The following AOPEP variants were observed in gnomAD, a reference collection of about 807,000 sequenced individuals.
AOPEP encodes the protein aminopeptidase O (putative).
In AOPEP, 77 loss-of-function variants were observed where a neutral mutation model predicts 98.1. The ratio of observed to expected loss-of-function variants is 0.78; its 90% CI spans 0.65 to 0.95. AOPEP has a LOEUF of 0.95. Among genes scored for constraint, AOPEP ranks in the 40% least tolerant of loss-of-function variants. The pLI is 0.00. For synonymous variants in AOPEP, 346 were observed against 365.3 expected (o/e 0.95, Z 0.60); for missense variants, 1,024 against 1,024.7 (o/e 1.00, Z 0.01).
intron 13 of AOPEP, among the ~76,000 whole-genome samples, chr9:95,055,858 C>G (rs899565404): frequency 1.3e-5 from 2 of 152,184 alleles, no homozygotes; most frequent in African/African-American, 4.8e-5. Flanking sequence ...CTCCAGCATA[C>G]AGAATTTGAG....
At chr9:95,019,093 T>TAGCAGCAAGTATAC (rs1187942447) in intron 13 of AOPEP, 23 of 152,192 alleles carry the variant, frequency 1.5e-4, no homozygotes, top group East Asian at 5.8e-4. Flanking sequence ...GCAGCAAGTA[T>TAGCAGCAAGTATAC]AGCAGCAAGT....
At chr9:95,111,666 T>C in the AOPEP span, 11 of 1,613,772 alleles carry the variant, frequency 6.8e-6, no homozygotes, top group Admixed American at 6.7e-5. Context: ...ACATGGCAGT[T>C]GACAACCTAA....
At chr9:95,004,901 C>T (rs1293850121) in intron 11 of AOPEP, 4 of 146,046 alleles carry the variant, frequency 2.7e-5, no homozygotes, top group Non-Finnish European at 6.1e-5. Flanking sequence ...GCCGCTATAC[C>T]TTTAAGGCAG....
intron 7 of AOPEP, among the ~76,000 whole-genome samples, chr9:94,951,640 A>G (rs2137854636): frequency 6.6e-6 from 1 of 152,378 alleles, no homozygotes; most frequent in African/African-American, 2.4e-5. Context: ...TATTGCAGCA[A>G]TAAAGCAATG....
chr9:94,794,353 C>T (rs1320296089), intron 4 of AOPEP, among the ~76,000 whole-genome samples: 1 of 152,196 alleles, frequency 6.6e-6, no homozygotes, highest in Non-Finnish European at 1.5e-5. Flanking sequence ...TCAGTACCTT[C>T]TGGTGGAGAA....
intron 1 of AOPEP, among the ~76,000 whole-genome samples, chr9:94,738,728 C>T (rs1217043434): frequency 2.0e-5 from 3 of 151,902 alleles, no homozygotes; most frequent in Admixed American, 6.6e-5. Flanking sequence ...CGCCCGCCAC[C>T]ACGCTTGGCT....
the AOPEP span, among the ~76,000 whole-genome samples, chr9:95,136,284 A>G: frequency 1.3e-5 from 2 of 152,040 alleles, no homozygotes; most frequent in South Asian, 4.1e-4. Flanking sequence ...CTGTAATCCC[A>G]GCTACTTGGG....
At position 94,727,156 on chromosome 9, in the gene AOPEP, A is replaced by G. The variant is rs564719884; in HGVS notation, c.-136+405A>G. ...AGGCAGAACAGTTTCGATTCGATTC[A>G]TTTCCACTTGCAGTGAAACCCATCC... On this transcript the variant is annotated intron_variant, in intron 1 of 16. Transcript: ENST00000375315. Among the ~76,000 whole-genome samples, 5 of 152,268 alleles carry G rather than the reference A, an allele frequency of 3.3e-5. No homozygotes were observed. The South Asian group carries it at 6.2e-4, about 19-fold the overall frequency.
intron 3 of AOPEP, among the ~76,000 whole-genome samples, chr9:94,791,921 T>G (rs924781962): frequency 3.3e-5 from 5 of 152,248 alleles, no homozygotes; most frequent in Non-Finnish European, 5.9e-5. Context: ...TCAGGTTGTA[T>G]GACACATTCA....
chr9:94,857,039 G>T (rs955237907), intron 5 of AOPEP, among the ~76,000 whole-genome samples: 1 of 152,204 alleles, frequency 6.6e-6, no homozygotes, highest in African/African-American at 2.4e-5. Context: ...GTTCTTTCCT[G>T]CTCTGGACAT....
intron 16 of AOPEP, among the ~76,000 whole-genome samples, chr9:95,084,703 A>G (rs978015776): frequency 4.7e-4 from 72 of 152,192 alleles, no homozygotes; most frequent in African/African-American, 1.7e-3. Flanking sequence ...CTTGGTCACA[A>G]GTCTCCCTTT....
intron 5 of AOPEP, among the ~76,000 whole-genome samples, chr9:94,911,953 A>C (rs1407380656): frequency 6.6e-6 from 1 of 152,212 alleles, no homozygotes. Context: ...ACCCTGACCA[A>C]GAAATGCACA....
the AOPEP span, chr9:95,114,397 G>C: frequency 1.7e-6 from 1 of 584,916 alleles, no homozygotes; most frequent in South Asian, 1.9e-5. Context: ...AAAACATTTC[G>C]ATACAGGTAT....
intron 1 of AOPEP, among the ~76,000 whole-genome samples, chr9:94,745,049 A>C (rs1834146666): frequency 6.6e-6 from 1 of 152,152 alleles, no homozygotes; most frequent in Admixed American, 6.5e-5. Context: ...CCATCACCTC[A>C]AGCATTGATT....
chr9:94,840,057 C>G (rs189645962), intron 5 of AOPEP, among the ~76,000 whole-genome samples: 32 of 152,330 alleles, frequency 2.1e-4, no homozygotes, highest in Non-Finnish European at 4.4e-4. Context: ...TGTGAGCCAC[C>G]TCGTCTGGCC....
chr9:95,016,731 G>C (rs915361533), intron 13 of AOPEP, among the ~76,000 whole-genome samples: 1 of 150,994 alleles, frequency 6.6e-6, no homozygotes, highest in African/African-American at 2.4e-5. Flanking sequence ...TCCTGCCTCA[G>C]CCTCCTGAGT....
At chr9:94,907,390 C>T (rs1306752409) in intron 5 of AOPEP, among the ~76,000 whole-genome samples, 1 of 152,112 alleles carries the variant, frequency 6.6e-6, no homozygotes, top group East Asian at 1.9e-4. Flanking sequence ...AGATCAAGTG[C>T]AGCTGCCATG....
intron 1 of AOPEP, among the ~76,000 whole-genome samples, chr9:94,736,698 T>C (rs1346966779): frequency 6.6e-6 from 1 of 152,234 alleles, no homozygotes; most frequent in African/African-American, 2.4e-5. Flanking sequence ...AAGGCTACAT[T>C]AATTGAATGA....
chr9:95,041,477 G>GTGTGTGTA (rs1246531402), intron 13 of AOPEP, among the ~76,000 whole-genome samples: 1 of 151,908 alleles, frequency 6.6e-6, no homozygotes, highest in East Asian at 1.9e-4. Context: ...GTGTGTGTGT[G>GTGTGTGTA]TGTGGAGAGG....
Sources: allele counts gnomAD v4.1 joint callset (sites outside exome capture counted in the v4.1 genomes callset), GRCh38; gene constraint gnomAD v4.1.1; transcripts MANE v1.5; gene names NCBI Gene and HGNC (gene_info 2026-07-23, HGNC 2026-07-21).